Variants in TTC19 observed in about 807,000 individuals in gnomAD.
The protein encoded by TTC19 is tetratricopeptide repeat protein 19, mitochondrial.
Under a neutral mutation model 49.5 loss-of-function variants are expected in TTC19, and 38 were observed. That is an observed-to-expected ratio of 0.77 (90% CI 0.59 to 1.01). TTC19 has a LOEUF of 1.01. TTC19 is among the 50% of genes least tolerant of loss of function. The pLI, the probability that TTC19 is intolerant of heterozygous loss-of-function variation, is 0.00. For missense variants in TTC19, 475 were observed against 477.7 expected (o/e 0.99, Z 0.05); for synonymous variants, 204 against 185.2 (o/e 1.10, Z -0.83).
At chr17:16,037,565 T>C (rs796779855) in intron 2 of TTC19, among the ~76,000 whole-genome samples, 1 of 152,210 alleles carries the variant, frequency 6.6e-6, no homozygotes, top group Non-Finnish European at 1.5e-5. Flanking sequence ...AAGCCTTCTT[T>C]ACTGGCCTCA....
intron 2 of TTC19, among the ~76,000 whole-genome samples, chr17:16,043,950 A>G (rs2058194283): frequency 6.6e-6 from 1 of 152,138 alleles, no homozygotes; most frequent in Non-Finnish European, 1.5e-5. Flanking sequence ...TGGGTGGATC[A>G]CCTGAGGTCA....
chr17:16,001,522 C>T (rs1970732721), intron 2 of TTC19, among the ~76,000 whole-genome samples: 1 of 152,072 alleles, frequency 6.6e-6, no homozygotes, highest in Non-Finnish European at 1.5e-5. Context: ...TAGAGGAGAC[C>T]CCTTATCATT....
At chr17:16,006,422 G>GAA in intron 6 of TTC19, 52 bp from the exon 7 acceptor site, 32 of 1,148,488 alleles carry the variant, frequency 2.8e-5, no homozygotes, top group Non-Finnish European at 3.8e-5. Context: ...ACAGAAGGAA[G>GAA]AAAAAAAAAA....
At chr17:16,031,622 T>G (rs1972009159), downstream of TTC19, 1 of 225,216 alleles carries the variant, frequency 4.4e-6, no homozygotes, top group Non-Finnish European at 8.8e-6. Context: ...AATTAAAGCC[T>G]GCACTGGAAA....
chr17:16,032,600 G>T, downstream of TTC19: 2 of 970,674 alleles, frequency 2.1e-6, no homozygotes, highest in Non-Finnish European at 2.9e-6. Flanking sequence ...GTGACACCAT[G>T]AAAGCAAAAT....
intron 2 of TTC19, chr17:16,040,404 A>C (rs2057344743): frequency 6.3e-7 from 1 of 1,597,352 alleles, no homozygotes; most frequent in African/African-American, 1.3e-5. Context: ...CTGCTGTGCC[A>C]ATTTTGTATT....
chr17:16,027,618 G>T lies in TTC19; in HGVS notation c.*96G>T. 6.9e-7 allele frequency: 1 copy of T among 1,439,694 alleles called. No homozygotes were observed. The highest frequency in any genetic ancestry group is 9.7e-7 in the Non-Finnish European group (1 of 1,034,742). 89.2% of individuals were successfully genotyped at this position (1,439,694 alleles called of 1,614,324 possible). ...ACCCGATCAATGGCTTAAATCTGTC[G>T]TTTTTGATATTCAGGTTTCCTCAAT... On this transcript the variant is annotated 3_prime_UTR_variant, in exon 10 of 10. Coordinates refer to ENST00000261647, the MANE Select transcript of TTC19 (RefSeq NM_017775.4).
chr17:16,002,879 C>T (rs773029773), intron 4 of TTC19, 48 bp downstream of exon 4: 5 of 1,555,278 alleles, frequency 3.2e-6, no homozygotes, highest in Non-Finnish European at 8.9e-7. Context: ...GGAGTAGCTT[C>T]AAGGGAACTG....
chr17:16,003,299 G>T (rs1263510960), intron 4 of TTC19, among the ~76,000 whole-genome samples: 1 of 152,094 alleles, frequency 6.6e-6, no homozygotes, highest in African/African-American at 2.4e-5. Context: ...TGCCCAGGTT[G>T]GAGTGCGGTG....
At chr17:16,003,038 C>G (rs1465978186) in intron 4 of TTC19, among the ~76,000 whole-genome samples, 1 of 152,186 alleles carries the variant, frequency 6.6e-6, no homozygotes, top group Non-Finnish European at 1.5e-5. Flanking sequence ...CCTTTGCTCT[C>G]TGATCCAGAA....
At chr17:16,017,196 A>G (rs1435993481) in intron 7 of TTC19, among the ~76,000 whole-genome samples, 1 of 152,118 alleles carries the variant, frequency 6.6e-6, no homozygotes, top group African/African-American at 2.4e-5. Context: ...TTTTCAGTGT[A>G]TCTTTTATAG....
chr17:16,011,936 T>A (rs1447562555), intron 7 of TTC19, among the ~76,000 whole-genome samples: 1 of 152,216 alleles, frequency 6.6e-6, no homozygotes, highest in African/African-American at 2.4e-5. Context: ...TCCCCAAAAC[T>A]CATTAACTTT....
downstream of TTC19, chr17:16,032,294 G>A (rs1802210): frequency 1.2e-5 from 19 of 1,609,446 alleles, no homozygotes; most frequent in Non-Finnish European, 1.6e-5. Context: ...ACTTTGTGCA[G>A]TTCAGTCATC....
chr17:16,000,454 C>A, intron 2 of TTC19: 1 of 1,392,748 alleles, frequency 7.2e-7, no homozygotes, highest in African/African-American at 1.5e-5. Flanking sequence ...AAAACCTCTG[C>A]AGTGTCAAGT....
At chr17:16,041,377 T>G (rs1235293234) in intron 2 of TTC19, 1 of 150,586 alleles carries the variant, frequency 6.6e-6, no homozygotes, top group East Asian at 1.9e-4. Flanking sequence ...GGCAGCCAAA[T>G]GATGTGTCCC....
chr17:16,030,475 A>G (rs1971819736), downstream of TTC19: 1 of 204,430 alleles, frequency 4.9e-6, no homozygotes, highest in African/African-American at 2.3e-5. Context: ...AACAAACTCT[A>G]AAATATTACC....
Position 16,027,712 on chromosome 17 carries a change from TC to T in TTC19, c.*193del. On this transcript the variant is annotated 3_prime_UTR_variant, in exon 10 of 10. Transcript: ENST00000261647. Reference sequence around the variant, plus strand: ...ATTTTAAAGGAAAAATGACTTTCATTCCCAACTGATTATGACCTTTCAGGAT... The same window carrying T: ...ATTTTAAAGGAAAAATGACTTTCATTCCAACTGATTATGACCTTTCAGGAT... 1.5e-6 allele frequency: 1 copy of T among 689,648 alleles called. No homozygotes were observed. Among genetic ancestry groups the T allele is most frequent in the Non-Finnish European group, 2.6e-6 (1 of 386,198 alleles). 42.7% of individuals were successfully genotyped at this position (689,648 alleles called of 1,614,324 possible).
chr17:16,002,609 C>T (rs1970774955), intron 3 of TTC19, 184 bp from the exon 4 acceptor site: 2 of 638,742 alleles, frequency 3.1e-6, no homozygotes, highest in African/African-American at 1.8e-5. Context: ...AAAGTATGTG[C>T]AAGTATTTAA....
rs1186393016 is a variant in TTC19 at position 16,028,870 on chromosome 17, C to G, written c.*1348C>G. ...AACTTTCTGAAGAAAATAAAAACAC[C>G]AGAAACCTTGAGGTCCAAATCCTCA... On this transcript the variant is annotated 3_prime_UTR_variant, in exon 10 of 10. Coordinates refer to ENST00000261647, the MANE Select transcript of TTC19 (RefSeq NM_017775.4). 2 of 185,340 alleles carry G rather than the reference C, an allele frequency of 1.1e-5. No individual in the cohort carries two copies. The highest frequency in any genetic ancestry group is 2.2e-5 in the Non-Finnish European group (2 of 89,300). 11.5% of individuals were successfully genotyped at this position (185,340 alleles called of 1,614,324 possible).
Sources: allele counts gnomAD v4.1 joint callset (sites outside exome capture counted in the v4.1 genomes callset), GRCh38; gene constraint gnomAD v4.1.1; transcripts MANE v1.5; gene names NCBI Gene and HGNC (gene_info 2026-07-23, HGNC 2026-07-21).